Variants in NEIL1 observed in about 807,000 individuals in gnomAD.
The protein encoded by NEIL1 is endonuclease 8-like 1.
In NEIL1, 31 loss-of-function variants were observed where a neutral mutation model predicts 44.2. That is an observed-to-expected ratio of 0.70 (90% CI 0.53 to 0.95). NEIL1 has a LOEUF of 0.95. NEIL1 is among the 40% of genes least tolerant of loss of function. NEIL1 has a pLI of 0.00. For missense variants in NEIL1, 549 were observed against 515.5 expected, an observed-to-expected ratio of 1.07 and a Z score of -0.63; for synonymous variants, 254 against 209.7, an observed-to-expected ratio of 1.21 and a Z score of -1.83.
intron 1 of NEIL1, chr15:75,347,895 TC>T: frequency 8.2e-7 from 1 of 1,223,506 alleles, no homozygotes. Flanking sequence ...CAGGGGCGGC[TC>T]CCAGGTGTGG....
In NEIL1 at chr15:75,356,668, G is replaced by A. The variant is rs147299303; in HGVS notation, c.*1634G>A. 5 of 1,587,484 alleles carry A rather than the reference G, an allele frequency of 3.1e-6. No individual in the cohort carries two copies. Among genetic ancestry groups the A allele is most frequent in the Non-Finnish European group, 4.3e-6 (5 of 1,167,446 alleles). On this transcript the variant is annotated 3_prime_UTR_variant, in exon 10 of 10. Coordinates refer to ENST00000355059, the MANE Select transcript of NEIL1 (RefSeq NM_024608.4). This position sits in a 1 kb window ranked among gnomAD's most constrained non-coding sequence, Gnocchi z 5.8. ...CCCCGTGTCAGCAGTAGCGTCCGGGGCTTTAGGCGCCCGCAAGCTGGGGTG... is the reference window on the plus strand; with the variant it reads ...CCCCGTGTCAGCAGTAGCGTCCGGGACTTTAGGCGCCCGCAAGCTGGGGTG...
At position 75,354,434 on chromosome 15, in the gene NEIL1, G is replaced by T; in HGVS notation, c.878G>T (p.Arg293Leu). The T allele has an allele frequency of 6.2e-7, 1 of 1,614,188 alleles. No homozygotes were observed. The highest frequency in any genetic ancestry group is 1.1e-5 in the South Asian group (1 of 91,090). Reference sequence around the variant, plus strand: ...CTCCAACACCAGTGTCCTGCAGGGCGCAAGTCCCGCAAAAAGAAATCCAAG... The same window carrying T: ...CTCCAACACCAGTGTCCTGCAGGGCTCAAGTCCCGCAAAAAGAAATCCAAG... ...GDPGPLAPKG[R>L]KSRKKKSKAT... The change falls in exon 8 of 10, where the codon CGC (arginine) becomes CTC (leucine). Residue 293 changes from arginine (R) to leucine (L), a missense_variant. Coordinates refer to ENST00000355059, the MANE Select transcript of NEIL1 (RefSeq NM_024608.4).
Position 75,355,887 on chromosome 15 carries a change from A to C in NEIL1, c.*853A>C, listed in dbSNP as rs1489130230. On this transcript the variant is annotated 3_prime_UTR_variant, in exon 10 of 10. Transcript: ENST00000355059. ...GAGTCCCCAGAGCCTTCTACAAACA[A>C]AACCCCAGCCCCAGGGACTCAGTGT... 2 of 1,612,582 alleles carry C rather than the reference A, an allele frequency of 1.2e-6. No individual in the cohort carries two copies. Among genetic ancestry groups the C allele is most frequent in the Non-Finnish European group, 8.5e-7 (1 of 1,179,480 alleles).
At chr15:75,354,029 T>G in intron 6 of NEIL1, 163 bp downstream of exon 6, 1 of 1,121,144 alleles carries the variant, frequency 8.9e-7, no homozygotes, top group Non-Finnish European at 1.3e-6. Context: ...GTCCCAGGGT[T>G]GCAGCTAGTG....
intron 1 of NEIL1, 53 bp from the exon 2 acceptor site, chr15:75,348,831 G>A: frequency 6.4e-7 from 1 of 1,557,356 alleles, no homozygotes; most frequent in Non-Finnish European, 8.7e-7. Context: ...GCTGACAGCC[G>A]CTACCTCACA....
In NEIL1 at chr15:75,352,243, G is replaced by A. The variant is rs1381178438; in HGVS notation, c.554+13G>A. ...AGATCCTGTACCGGTCAGCAAGCAG[G>A]CATGGGCATGGGGACTGCGGTGGGC... On this transcript the variant is annotated intron_variant, in intron 3 of 9. Coordinates refer to ENST00000355059, the MANE Select transcript of NEIL1 (RefSeq NM_024608.4). 6.2e-7 allele frequency: 1 copy of A among 1,614,168 alleles called. No individual in the cohort carries two copies. Among genetic ancestry groups the A allele is most frequent in the Admixed American group, 1.7e-5 (1 of 60,032 alleles).
At chr15:75,352,765 TC>T (rs2072020278) in intron 5 of NEIL1, 64 bp downstream of exon 5, 1 of 1,335,220 alleles carries the variant, frequency 7.5e-7, no homozygotes, top group African/African-American at 1.5e-5. Context: ...GGGGCACTTG[TC>T]CCTCTCTGGA....
chr15:75,348,602 T>G, intron 1 of NEIL1: 1 of 1,301,190 alleles, frequency 7.7e-7, no homozygotes. Context: ...CCCGCAAGGA[T>G]TGGGACTTTC....
At position 75,348,895 on chromosome 15, in the gene NEIL1, C is replaced by T; in HGVS notation, c.-11C>T. ...TTCCTCCCCAACAGGACTCTGCCAC[C>T]CTCCCTCAGGATGCCTGAGGGCCCC... On this transcript the variant is annotated 5_prime_UTR_variant, in exon 2 of 10. Coordinates refer to ENST00000355059, the MANE Select transcript of NEIL1 (RefSeq NM_024608.4). The T allele has an allele frequency of 6.2e-7, 1 of 1,608,652 alleles. No individual in the cohort carries two copies. The highest frequency in any genetic ancestry group is 1.1e-5 in the South Asian group (1 of 90,996).
chr15:75,354,114 T>A, intron 6 of NEIL1, 136 bp from the exon 7 acceptor site: 1 of 1,111,242 alleles, frequency 9.0e-7, no homozygotes, highest in Non-Finnish European at 1.3e-6. Context: ...GACTCTAACA[T>A]GGGGGATGTC....
Position 75,354,754 on chromosome 15 carries a change from G to T in NEIL1, c.1038G>T (p.Gln346His), listed in dbSNP as rs2072219104. Residue 346 changes from glutamine (Q) to histidine (H), a missense_variant, in exon 9 of 10, where the codon CAG (glutamine) becomes CAT (histidine). By Grantham distance (24) the Gln-to-His change is conservative. Transcript: ENST00000355059. ...AGCGGCCTGAGGGGACCAGCCTCCA[G>T]CAGGACCCAGAAGCTCCCACAGTGC... Reference protein sequence around the residue: ...ATQRPEGTSLQQDPEAPTVPK... With the variant: ...ATQRPEGTSLHQDPEAPTVPK... 1 of 1,614,044 alleles carries T rather than the reference G, an allele frequency of 6.2e-7. No homozygotes were observed. The highest frequency in any genetic ancestry group is 1.3e-5 in the African/African-American group (1 of 74,922).
At chr15:75,353,902 G>A (rs778093129) in intron 6 of NEIL1, 36 bp downstream of exon 6, 24 of 1,610,070 alleles carry the variant, frequency 1.5e-5, no homozygotes, top group Non-Finnish European at 2.0e-5. Flanking sequence ...AGAGACCCCA[G>A]GAGGCTGATG....
Position 75,352,396 on chromosome 15 carries a change from A to G in NEIL1, c.618+9A>G. On this transcript the variant is annotated intron_variant, in intron 4 of 9. Coordinates refer to ENST00000355059, the MANE Select transcript of NEIL1 (RefSeq NM_024608.4). Reference sequence around the variant, plus strand: ...TGCAGCAGCACAGGCCGGTAAGCCCAGAGAGGGATGGAGCACACGTGCTGG... The same window carrying G: ...TGCAGCAGCACAGGCCGGTAAGCCCGGAGAGGGATGGAGCACACGTGCTGG... The G allele has an allele frequency of 6.2e-7, 1 of 1,613,290 alleles. No homozygotes were observed. The highest frequency in any genetic ancestry group is 1.1e-5 in the South Asian group (1 of 91,062).
At chr15:75,352,741 G>C in intron 5 of NEIL1, 40 bp downstream of exon 5, 2 of 1,515,110 alleles carry the variant, frequency 1.3e-6, no homozygotes, top group Non-Finnish European at 1.8e-6. Context: ...TTCAGCAAAT[G>C]ATTGTGTAAC....
intron 1 of NEIL1, chr15:75,347,990 G>A: frequency 8.2e-7 from 1 of 1,220,180 alleles, no homozygotes; most frequent in South Asian, 1.3e-5. Context: ...CGAACCGCCC[G>A]GGGACAGAGG....
chr15:75,352,878 G>A lies in NEIL1; in HGVS notation c.718+177G>A, dbSNP rs1266419773. ...TTCCAGGCTGGGCGCAGTGGCTCAT[G>A]CCTGTAATCCCAGCACTTCGGGAGG... On this transcript the variant is annotated intron_variant, in intron 5 of 9. Coordinates refer to ENST00000355059, the MANE Select transcript of NEIL1 (RefSeq NM_024608.4). The A allele has an allele frequency of 5.0e-6, 3 of 600,380 alleles. No individual in the cohort carries two copies. In the East Asian group the frequency reaches 8.9e-5, roughly 18 times the overall value. The allele number at this position is 600,380 out of a possible 1,614,324, so 37.2% of individuals were successfully genotyped here.
intron 4 of NEIL1, 58 bp downstream of exon 4, chr15:75,352,445 G>A (rs947503930): frequency 3.1e-6 from 5 of 1,600,662 alleles, no homozygotes; most frequent in Non-Finnish European, 4.3e-6. Context: ...ACATGGGCCG[G>A]CAAGGAGATG....
intron 2 of NEIL1, among the ~76,000 whole-genome samples, chr15:75,351,001 G>A (rs909635689): frequency 1.3e-5 from 2 of 152,168 alleles, no homozygotes; most frequent in African/African-American, 4.8e-5. Context: ...ACGGTGAGGA[G>A]GGGAGACCCA....
rs545503679 is a variant in NEIL1 at position 75,355,093 on chromosome 15, G to A, written c.*59G>A. 1.5e-4 allele frequency: 225 copies of A among 1,525,866 alleles called. 2 individuals are homozygous for A. In the Middle Eastern group the frequency reaches 1.7e-3, roughly 12 times the overall value. 94.5% of individuals were successfully genotyped at this position (1,525,866 alleles called of 1,614,324 possible). A position where few individuals can be genotyped will look rare whatever the true frequency, so the allele number is the denominator to read the frequency against. ...TTATTGTCTTGCCCTGCATCTGGGGGTCTGAATTTTTGGGAGCAGGCAATA... is the reference window on the plus strand; with the variant it reads ...TTATTGTCTTGCCCTGCATCTGGGGATCTGAATTTTTGGGAGCAGGCAATA... On this transcript the variant is annotated 3_prime_UTR_variant, in exon 10 of 10. Coordinates refer to ENST00000355059, the MANE Select transcript of NEIL1 (RefSeq NM_024608.4).
Sources: allele counts gnomAD v4.1 joint callset (sites outside exome capture counted in the v4.1 genomes callset), GRCh38; gene constraint gnomAD v4.1.1; non-coding constraint Gnocchi (gnomAD v3.1); transcripts MANE v1.5; gene names NCBI Gene and HGNC (gene_info 2026-07-23, HGNC 2026-07-21).